The following CIBAR2 variants were observed in gnomAD, a reference collection of about 807,000 sequenced individuals.
CIBAR2 encodes CBY1 interacting BAR domain containing 2.
CIBAR2 carries 38 observed loss-of-function variants against 36.2 expected under a neutral mutation model. The observed-to-expected ratio is 1.05, with a 90% CI of 0.81 to 1.38. CIBAR2 has a LOEUF of 1.38. CIBAR2 is among the 40% of genes most tolerant of loss of function. The pLI is 0.00. For missense variants in CIBAR2, 481 were observed against 383.4 expected, an observed-to-expected ratio of 1.25 and a Z score of -2.13; for synonymous variants, 182 against 149.5, an observed-to-expected ratio of 1.22 and a Z score of -1.58.
At chr16:85,099,460 C>T (rs993348082) in intron 8 of CIBAR2, 114 bp from the exon 9 acceptor site, 17 of 676,118 alleles carry the variant, frequency 2.5e-5, no homozygotes, top group East Asian at 2.5e-4. Context: ...TTCTGGAACC[C>T]GCGGGCCCAC....
At position 85,098,782 on chromosome 16, in the gene CIBAR2, T is replaced by C; in HGVS notation, c.*403A>G. On this transcript the variant is annotated 3_prime_UTR_variant, in exon 9 of 9. Transcript: ENST00000539556. ...CGCAACAGGCCGGGTTTTCTGTGCT[T>C]CGTATAGATCTGTTCATCTGATACT... 1 of 307,850 alleles carries C rather than the reference T, an allele frequency of 3.2e-6. No individual in the cohort carries two copies. The allele number at this position is 307,850 out of a possible 1,614,324, so 19.1% of individuals were successfully genotyped here.
At chr16:85,111,114 T>G (rs974278950) in intron 1 of CIBAR2, among the ~76,000 whole-genome samples, 7 of 152,064 alleles carry the variant, frequency 4.6e-5, no homozygotes, top group African/African-American at 1.7e-4. Flanking sequence ...TGGCCTCTCC[T>G]GGGCCTCCTC....
intron 5 of CIBAR2, 82 bp downstream of exon 5, chr16:85,107,585 T>A: frequency 6.7e-7 from 1 of 1,481,784 alleles, no homozygotes; most frequent in South Asian, 1.1e-5. Context: ...TCAGACCAGG[T>A]AAAGTCTACC....
At chr16:85,102,596 G>C (rs887941152) in intron 6 of CIBAR2, among the ~76,000 whole-genome samples, 1 of 151,908 alleles carries the variant, frequency 6.6e-6, no homozygotes, top group Non-Finnish European at 1.5e-5. Flanking sequence ...AGAATCACTT[G>C]AGCCCAGGAG....
chr16:85,101,688 T>C (rs2073956634), intron 7 of CIBAR2, among the ~76,000 whole-genome samples: 1 of 151,754 alleles, frequency 6.6e-6, no homozygotes, highest in Non-Finnish European at 1.5e-5. Context: ...TTTTTTTTTT[T>C]TGATGGAGTC....
At chr16:85,107,076 G>A (rs2074001633) in intron 5 of CIBAR2, among the ~76,000 whole-genome samples, 1 of 152,112 alleles carries the variant, frequency 6.6e-6, no homozygotes, top group Non-Finnish European at 1.5e-5. Context: ...AACCCTGGAG[G>A]CGGAGGTTGC....
intron 5 of CIBAR2, among the ~76,000 whole-genome samples, chr16:85,107,093 C>T (rs1031074953): frequency 3.3e-5 from 5 of 152,006 alleles, no homozygotes; most frequent in African/African-American, 9.7e-5. Flanking sequence ...TTGCAGTGAG[C>T]CGAGACTCTG....
rs368759847 is a variant in CIBAR2, at chr16:85,100,245, C to T, written c.652-5G>A. 36 of 1,536,730 alleles carry T rather than the reference C, an allele frequency of 2.3e-5. No homozygotes were observed. The highest frequency in any genetic ancestry group is 9.4e-5 in the African/African-American group (7 of 74,428). ...TTGCATCTTGGCTCTAAAATCCTGCCGGGGAGAGACCAGGGTGGGTGGGAT... is the reference window on the plus strand; with the variant it reads ...TTGCATCTTGGCTCTAAAATCCTGCTGGGGAGAGACCAGGGTGGGTGGGAT... On this transcript the variant is annotated splice_polypyrimidine_tract_variant and splice_region_variant and intron_variant, in intron 7 of 8. Coordinates refer to ENST00000539556, the MANE Select transcript of CIBAR2 (RefSeq NM_198491.3).
rs750730975 is a variant in CIBAR2, at chr16:85,112,390, A to G, written c.-38T>C. On this transcript the variant is annotated 5_prime_UTR_variant, in exon 1 of 9. Coordinates refer to ENST00000539556, the MANE Select transcript of CIBAR2 (RefSeq NM_198491.3). The stretch of plus-strand genomic sequence containing the variant: ...TTTGGCTGTCCCGGTGCTGGGGAAT[A>G]AGGACAGGGCCCCAGGGGTCCTGCA... 4 of 1,609,070 alleles carry G rather than the reference A, an allele frequency of 2.5e-6. No homozygotes were observed. In the African/African-American group the frequency reaches 5.3e-5, roughly 22 times the overall value.
intron 7 of CIBAR2, among the ~76,000 whole-genome samples, chr16:85,101,139 C>T (rs1304837267): frequency 6.6e-6 from 1 of 152,138 alleles, no homozygotes; most frequent in East Asian, 1.9e-4. Context: ...CCACTGTGGC[C>T]GTAGACCCCG....
intron 1 of CIBAR2, 128 bp from the exon 2 acceptor site, chr16:85,110,588 C>T: frequency 1.6e-6 from 1 of 622,852 alleles, no homozygotes; most frequent in Non-Finnish European, 2.7e-6. Context: ...ACGCACATGC[C>T]ACAGGCTGTC....
chr16:85,100,729 G>C (rs1340290798), intron 7 of CIBAR2, among the ~76,000 whole-genome samples: 1 of 152,116 alleles, frequency 6.6e-6, no homozygotes, highest in Non-Finnish European at 1.5e-5. Context: ...AGCCACACTG[G>C]GTTACTGCTG....
intron 7 of CIBAR2, among the ~76,000 whole-genome samples, chr16:85,100,907 C>T (rs1054037106): frequency 6.6e-5 from 10 of 152,100 alleles, no homozygotes; most frequent in African/African-American, 1.9e-4. Context: ...ATTAGCTGGG[C>T]GTGATGGAGG....
At chr16:85,109,076 G>A (rs2074020337) in intron 2 of CIBAR2, among the ~76,000 whole-genome samples, 1 of 151,926 alleles carries the variant, frequency 6.6e-6, no homozygotes, top group South Asian at 2.1e-4. Flanking sequence ...CCACCTGCTT[G>A]TCACAGAGCC....
chr16:85,099,485 G>T, intron 8 of CIBAR2, 139 bp from the exon 9 acceptor site: 2 of 627,706 alleles, frequency 3.2e-6, no homozygotes, highest in East Asian at 5.6e-5. Flanking sequence ...TGGGATGGAG[G>T]TGTGGACCTG....
At chr16:85,110,160 G>A in intron 2 of CIBAR2, 66 bp downstream of exon 2, 2 of 1,294,576 alleles carry the variant, frequency 1.5e-6, no homozygotes, top group South Asian at 2.8e-5. Flanking sequence ...GCAGCCCTCA[G>A]GCCTGACCTT....
chr16:85,107,625 A>C, intron 5 of CIBAR2, 42 bp downstream of exon 5: 1 of 1,609,152 alleles, frequency 6.2e-7, no homozygotes, highest in African/African-American at 1.3e-5. Context: ...TGTATTTCCT[A>C]CGTGTGATTC....
At chr16:85,100,338 G>T in intron 7 of CIBAR2, 98 bp from the exon 8 acceptor site, 1 of 697,804 alleles carries the variant, frequency 1.4e-6, no homozygotes, top group Non-Finnish European at 2.5e-6. Flanking sequence ...GAAGGCCCGA[G>T]ACAGCTAATG....
intron 1 of CIBAR2, among the ~76,000 whole-genome samples, chr16:85,111,675 G>A (rs2074043660): frequency 6.6e-6 from 1 of 152,148 alleles, no homozygotes; most frequent in Non-Finnish European, 1.5e-5. Context: ...GTGAAACCCC[G>A]TCTCTACTAA....
Sources: gnomAD v4.1 joint callset for allele counts (sites outside exome capture counted in the v4.1 genomes callset) on GRCh38, gnomAD v4.1.1 for gene constraint, MANE v1.5 for transcripts, NCBI Gene and HGNC (gene_info 2026-07-23, HGNC 2026-07-21) for gene names.